COL24A1: variants seen among roughly 807,000 people sequenced by gnomAD.
COL24A1 encodes collagen type XXIV alpha 1 chain, also known as collagen alpha-1(XXIV) chain.
A neutral mutation model predicts 253.9 loss-of-function variants in COL24A1; 224 were observed. That is an observed-to-expected ratio of 0.88 (90% CI 0.79 to 0.99). The LOEUF (loss-of-function observed/expected upper bound fraction) is 0.99. COL24A1 is among the 50% of genes least tolerant of loss of function. The pLI is 0.00. For missense variants in COL24A1, 2,131 were observed against 2,068.5 expected (o/e 1.03, Z -0.59); for synonymous variants, 685 against 673.7 (o/e 1.02, Z -0.26).
chr1:85,875,150 T>C (rs1399317303), intron 34 of COL24A1, 127 bp downstream of exon 34: 1 of 778,116 alleles, frequency 1.3e-6, no homozygotes, highest in Non-Finnish European at 2.1e-6. Flanking sequence ...TCCAAAACAT[T>C]TCCTGTTTTT....
intron 55 of COL24A1, among the ~76,000 whole-genome samples, chr1:85,761,190 A>C (rs781581428): frequency 1.8e-4 from 27 of 152,210 alleles, no homozygotes; most frequent in Admixed American, 3.3e-4. Context: ...AGAAAGCAGG[A>C]GATACCATCT....
chr1:85,916,217 C>T (rs988377675), intron 24 of COL24A1, among the ~76,000 whole-genome samples: 1 of 152,164 alleles, frequency 6.6e-6, no homozygotes, highest in Admixed American at 6.5e-5. Context: ...GATCCAGATG[C>T]ACTCTTTACT....
At chr1:86,062,703 C>A (rs922927605) in intron 8 of COL24A1, among the ~76,000 whole-genome samples, 1 of 152,102 alleles carries the variant, frequency 6.6e-6, no homozygotes, top group African/African-American at 2.4e-5. Context: ...TCTTTTTCTC[C>A]CATAAATGCT....
chr1:86,037,243 C>T (rs1455984355), intron 12 of COL24A1, among the ~76,000 whole-genome samples: 1 of 152,178 alleles, frequency 6.6e-6, no homozygotes, highest in African/African-American at 2.4e-5. Context: ...CCAGTGTTCA[C>T]ACTTTTCTAT....
intron 19 of COL24A1, among the ~76,000 whole-genome samples, chr1:85,994,995 T>A (rs563692320): frequency 6.6e-6 from 1 of 152,214 alleles, no homozygotes; most frequent in Non-Finnish European, 1.5e-5. Flanking sequence ...TGTAATTCTA[T>A]GTATTTGAGC....
intron 37 of COL24A1, among the ~76,000 whole-genome samples, chr1:85,863,454 G>T (rs1035835105): frequency 6.6e-6 from 1 of 152,068 alleles, no homozygotes; most frequent in African/African-American, 2.4e-5. Context: ...AACCCTAGAA[G>T]AAAACCTAGG....
chr1:86,140,679 T>C (rs1650947669), intron 2 of COL24A1, among the ~76,000 whole-genome samples: 1 of 152,270 alleles, frequency 6.6e-6, no homozygotes, highest in Admixed American at 6.5e-5. Flanking sequence ...TTACACATTA[T>C]GCATGGTGCA....
chr1:86,072,125 T>C (rs1300240785), intron 7 of COL24A1, among the ~76,000 whole-genome samples: 1 of 152,130 alleles, frequency 6.6e-6, no homozygotes, highest in Non-Finnish European at 1.5e-5. Context: ...ATTTTTTTCA[T>C]ACCCCAGTGG....
At chr1:85,770,368 T>G (rs1185384572) in intron 53 of COL24A1, among the ~76,000 whole-genome samples, 1 of 152,154 alleles carries the variant, frequency 6.6e-6, no homozygotes, top group African/African-American at 2.4e-5. Context: ...AAGACTTTAC[T>G]GCTATATTTA....
intron 12 of COL24A1, among the ~76,000 whole-genome samples, chr1:86,043,437 C>T (rs745469878): frequency 1.2e-4 from 18 of 152,032 alleles, no homozygotes; most frequent in African/African-American, 2.9e-4. Context: ...TCTTCTAATA[C>T]GATTCTACTA....
chr1:86,121,299 AT>A (rs1019538581), intron 3 of COL24A1, among the ~76,000 whole-genome samples: 13 of 149,950 alleles, frequency 8.7e-5, no homozygotes, highest in African/African-American at 3.2e-4. Flanking sequence ...ATAAAAAAAA[AT>A]TCTACTCAGT....
chr1:85,783,686 A>G (rs1669369458), intron 50 of COL24A1, 128 bp from the exon 51 acceptor site: 1 of 814,266 alleles, frequency 1.2e-6, no homozygotes, highest in African/African-American at 1.7e-5. Flanking sequence ...CATGCTGAAG[A>G]ATTCAGAAGG....
chr1:86,046,247 C>T (rs957439317), intron 12 of COL24A1, among the ~76,000 whole-genome samples: 1 of 152,096 alleles, frequency 6.6e-6, no homozygotes, highest in African/African-American at 2.4e-5. Flanking sequence ...ACTAGCTTAA[C>T]AAGAAGAACC....
At chr1:86,090,044 C>G (rs1312799509) in intron 6 of COL24A1, among the ~76,000 whole-genome samples, 1 of 152,138 alleles carries the variant, frequency 6.6e-6, no homozygotes, top group Admixed American at 6.5e-5. Flanking sequence ...GCCTTCCATC[C>G]TGCGTGCCAG....
intron 7 of COL24A1, among the ~76,000 whole-genome samples, chr1:86,076,261 G>C (rs1702236034): frequency 6.6e-6 from 1 of 152,054 alleles, no homozygotes; most frequent in Non-Finnish European, 1.5e-5. Flanking sequence ...TAGACAAACA[G>C]CCAAATCATG....
At chr1:85,954,606 T>C (rs1452374801) in intron 24 of COL24A1, among the ~76,000 whole-genome samples, 1 of 152,234 alleles carries the variant, frequency 6.6e-6, no homozygotes, top group Non-Finnish European at 1.5e-5. Context: ...TGGCATATTA[T>C]CAGTTCTCAA....
intron 53 of COL24A1, among the ~76,000 whole-genome samples, chr1:85,769,439 C>T (rs1667729678): frequency 1.3e-5 from 2 of 150,112 alleles, no homozygotes; most frequent in African/African-American, 4.9e-5. Flanking sequence ...CTGAAGAACA[C>T]GTGCCAGGCA....
At chr1:86,139,191 G>C (rs922801177) in intron 2 of COL24A1, among the ~76,000 whole-genome samples, 2 of 150,710 alleles carry the variant, frequency 1.3e-5, no homozygotes, top group African/African-American at 2.4e-5. Context: ...GGGGGGGAGA[G>C]GGAGGAGAGA....
intron 7 of COL24A1, among the ~76,000 whole-genome samples, chr1:86,078,083 A>G (rs1702384034): frequency 6.6e-6 from 1 of 152,204 alleles, no homozygotes; most frequent in African/African-American, 2.4e-5. Context: ...TCAACAATAC[A>G]TTAAAAAGAT....
Sources: gnomAD v4.1 joint callset for allele counts (sites outside exome capture counted in the v4.1 genomes callset) on GRCh38, gnomAD v4.1.1 for gene constraint, MANE v1.5 for transcripts, NCBI Gene and HGNC (gene_info 2026-07-23, HGNC 2026-07-21) for gene names.